Variants in CRYZ observed in about 807,000 individuals in gnomAD.
The protein encoded by CRYZ is crystallin zeta, also known as zeta-crystallin.
Under a neutral mutation model 34.1 loss-of-function variants are expected in CRYZ, and 35 were observed. The ratio of observed to expected loss-of-function variants is 1.03; its 90% CI spans 0.78 to 1.36. CRYZ has a LOEUF of 1.36. Among genes scored for constraint, CRYZ ranks in the 40% most tolerant of loss-of-function variants. CRYZ has a pLI of 0.00. For synonymous variants in CRYZ, 137 were observed against 136.5 expected (o/e 1.00, Z -0.03); for missense variants, 403 against 391.8 (o/e 1.03, Z -0.24).
At chr1:74,722,084 G>C (rs889401497) in intron 3 of CRYZ, among the ~76,000 whole-genome samples, 2 of 152,108 alleles carry the variant, frequency 1.3e-5, no homozygotes, top group African/African-American at 4.8e-5. Flanking sequence ...AAGAGTGTAT[G>C]AGATTATGAA....
intron 1 of CRYZ, 138 bp from the exon 2 acceptor site, chr1:74,724,972 T>C: frequency 5.4e-6 from 3 of 560,226 alleles, no homozygotes; most frequent in Non-Finnish European, 9.5e-6. Flanking sequence ...TCTCATTTCA[T>C]GTTTAAGGAC....
At chr1:74,723,674 AC>A (rs1647207467) in intron 2 of CRYZ, among the ~76,000 whole-genome samples, 3 of 152,148 alleles carry the variant, frequency 2.0e-5, no homozygotes, top group African/African-American at 7.2e-5. Context: ...ACACTTGCAG[AC>A]CTGACCCATT....
At chr1:74,719,879 A>G (rs1647134236) in intron 3 of CRYZ, among the ~76,000 whole-genome samples, 1 of 152,110 alleles carries the variant, frequency 6.6e-6, no homozygotes, top group African/African-American at 2.4e-5. Flanking sequence ...CAGAAAACAT[A>G]TAAGAAAAAG....
At chr1:74,724,684 G>C (rs752995232) in intron 2 of CRYZ, 27 bp downstream of exon 2, 57 of 1,366,680 alleles carry the variant, frequency 4.2e-5, no homozygotes, top group Non-Finnish European at 5.8e-5. Context: ...TATAATTATA[G>C]CCTCAATAAA....
chr1:74,728,920 G>C (rs751364322), intron 1 of CRYZ, among the ~76,000 whole-genome samples: 2 of 152,170 alleles, frequency 1.3e-5, no homozygotes, highest in Non-Finnish European at 2.9e-5. Context: ...GGCAGTCTCT[G>C]ACGGGGAGAT....
intron 4 of CRYZ, among the ~76,000 whole-genome samples, chr1:74,716,447 A>T (rs1647076920): frequency 6.6e-6 from 1 of 151,918 alleles, no homozygotes; most frequent in Admixed American, 6.6e-5. Flanking sequence ...CTAGTCACTG[A>T]AGACTAAGAC....
intron 1 of CRYZ, chr1:74,732,703 A>C (rs1647901620): frequency 6.6e-6 from 1 of 152,638 alleles, no homozygotes; most frequent in Admixed American, 6.5e-5. Flanking sequence ...GTGGTAGCCT[A>C]AACTCAGAGC....
intron 5 of CRYZ, among the ~76,000 whole-genome samples, chr1:74,711,176 C>T (rs1205213235): frequency 6.6e-6 from 1 of 152,062 alleles, no homozygotes; most frequent in Non-Finnish European, 1.5e-5. Context: ...GCCAGAAAGG[C>T]CAAGTCACAC....
At position 74,707,085 on chromosome 1, in the gene CRYZ, AAG is replaced by A. The variant is rs1342118388; in HGVS notation, c.732+16_732+17del. On this transcript the variant is annotated intron_variant, in intron 7 of 8. Transcript: ENST00000340866. The stretch of plus-strand genomic sequence containing the variant: ...ACATTAAAGTGGTAAAAAAAAAAAA[AAG>A]AAAAGGAATACTTACTATCACTCGT... 2.2e-6 allele frequency: 3 copies of A among 1,375,266 alleles called. No homozygotes were observed. Among genetic ancestry groups the A allele is most frequent in the Non-Finnish European group, 3.1e-6 (3 of 981,668 alleles). The allele number at this position is 1,375,266 out of a possible 1,614,324, so 85.2% of individuals were successfully genotyped here. A position where few individuals can be genotyped will look rare whatever the true frequency, so the allele number is the denominator to read the frequency against.
rs189397583 is a variant in CRYZ, at chr1:74,730,221, C to A, written c.-14+2735G>T. On this transcript the variant is annotated intron_variant, in intron 1 of 8. Transcript: ENST00000340866. Reference sequence around the variant, plus strand: ...GATTTGGAAGACTCATCTGCTTTGCCCAGTACTATCTGACTACATTATCCT... The same window carrying A: ...GATTTGGAAGACTCATCTGCTTTGCACAGTACTATCTGACTACATTATCCT... 3.9e-5 allele frequency among the ~76,000 whole-genome samples: 6 copies of A among 152,228 alleles called. No homozygotes were observed. The East Asian group carries it at 1.2e-3, about 29-fold the overall frequency.
chr1:74,725,184 A>G (rs575483206), intron 1 of CRYZ, among the ~76,000 whole-genome samples: 1 of 152,352 alleles, frequency 6.6e-6, no homozygotes, highest in South Asian at 2.1e-4. Flanking sequence ...CATTAGGTAA[A>G]CTGACCTCCT....
chr1:74,711,125 G>A (rs992290694), intron 5 of CRYZ, among the ~76,000 whole-genome samples: 1 of 152,168 alleles, frequency 6.6e-6, no homozygotes, highest in African/African-American at 2.4e-5. Context: ...GAGGGGCAGT[G>A]TGTCTCAGGG....
At position 74,723,203 on chromosome 1, in the gene CRYZ, C is replaced by CTA; in HGVS notation, c.177_178dup (p.Ser60IlefsTer18). Reference sequence around the variant, plus strand: ...AGTATAGGGTAAGAGTGGTTTTCTACTATAAGTACCAGAGCGAATGTATGT... The same window carrying CTA: ...AGTATAGGGTAAGAGTGGTTTTCTACTATATAAGTACCAGAGCGAATGTATGT... On this transcript the variant is annotated frameshift_variant, in exon 3 of 9. Transcript: ENST00000340866. LOFTEE classifies it high-confidence loss of function. 6.2e-7 allele frequency: 1 copy of CTA among 1,614,022 alleles called. No individual in the cohort carries two copies. The highest frequency in any genetic ancestry group is 8.5e-7 in the Non-Finnish European group (1 of 1,179,942).
chr1:74,709,999 A>G, intron 6 of CRYZ, 99 bp downstream of exon 6: 1 of 960,810 alleles, frequency 1.0e-6, no homozygotes, highest in Non-Finnish European at 1.5e-6. Context: ...AAAGGAAGCA[A>G]ACAGCTTTAA....
chr1:74,715,325 T>C (rs992971922), intron 4 of CRYZ, among the ~76,000 whole-genome samples: 1 of 152,222 alleles, frequency 6.6e-6, no homozygotes. Context: ...AGAAGGGACA[T>C]GCAGCAAGGC....
At chr1:74,713,244 G>A (rs1272640479) in intron 5 of CRYZ, among the ~76,000 whole-genome samples, 1 of 152,074 alleles carries the variant, frequency 6.6e-6, no homozygotes, top group African/African-American at 2.4e-5. Context: ...TTTTACAAGA[G>A]GGTAAAGGGA....
Position 74,724,833 on chromosome 1 carries a change from T to G in CRYZ, c.-12A>C. ...TGTCCAGTCGCCATGGTGATCTAGA[T>G]ACTAAGGAAGAAAAAAAATTAATGT... On this transcript the variant is annotated splice_region_variant and 5_prime_UTR_variant, in exon 2 of 9. Transcript: ENST00000340866. The G allele has an allele frequency of 6.4e-7, 1 of 1,560,920 alleles. No individual in the cohort carries two copies. Among genetic ancestry groups the G allele is most frequent in the Non-Finnish European group, 8.8e-7 (1 of 1,138,076 alleles).
At position 74,711,440 on chromosome 1, in the gene CRYZ, GAT is replaced by G. The variant is rs1186638865; in HGVS notation, c.481-1195_481-1194del. On this transcript the variant is annotated intron_variant, in intron 5 of 8. Transcript: ENST00000340866. ...GCACTGGAAAAAATAAACAAATTCA[GAT>G]ATAGTTTAGAGGTAAGCTAATGGGA... 2.0e-5 allele frequency among the ~76,000 whole-genome samples: 3 copies of G among 152,212 alleles called. No homozygotes were observed. The East Asian group carries it at 5.8e-4, about 29-fold the overall frequency.
intron 1 of CRYZ, among the ~76,000 whole-genome samples, chr1:74,726,203 A>G (rs1647330131): frequency 6.6e-6 from 1 of 152,114 alleles, no homozygotes; most frequent in Non-Finnish European, 1.5e-5. Flanking sequence ...CCCAGCCCAC[A>G]TTTCCCTTCT....
Sources: gnomAD v4.1 joint callset for allele counts (sites outside exome capture counted in the v4.1 genomes callset) on GRCh38, gnomAD v4.1.1 for gene constraint, MANE v1.5 for transcripts, NCBI Gene and HGNC (gene_info 2026-07-23, HGNC 2026-07-21) for gene names.